The following RANBP17 variants were observed in gnomAD, a reference collection of about 807,000 sequenced individuals.
RANBP17 encodes ran-binding protein 17.
In RANBP17, 158 loss-of-function variants were observed where a neutral mutation model predicts 141.2. The observed-to-expected ratio is 1.12, with a 90% CI of 0.98 to 1.28. The LOEUF (loss-of-function observed/expected upper bound fraction) is 1.28, where lower values mean the gene tolerates loss of function less well. Ranked by LOEUF, RANBP17 falls within the 50% of genes most tolerant of loss-of-function variation. The probability of loss-of-function intolerance (pLI) is 0.00; values close to 1 mark genes in which losing one functional copy is unlikely to be tolerated. For missense variants in RANBP17, 1,438 were observed against 1,290.7 expected, an observed-to-expected ratio of 1.11 and a Z score of -1.75; for synonymous variants, 430 against 450.0, an observed-to-expected ratio of 0.96 and a Z score of 0.56.
intron 22 of RANBP17, among the ~76,000 whole-genome samples, chr5:171,232,236 A>C (rs991538755): frequency 6.6e-6 from 1 of 152,204 alleles, no homozygotes; most frequent in Non-Finnish European, 1.5e-5. Flanking sequence ...TTTTATTCAA[A>C]AAAGGTAGTG....
Position 171,252,969 on chromosome 5 carries a change from C to A in RANBP17, c.2776+10149C>A, listed in dbSNP as rs181657792. 76 of 1,427,842 alleles carry A rather than the reference C, an allele frequency of 5.3e-5. No individual in the cohort carries two copies. In the East Asian group the frequency reaches 1.7e-3, roughly 32 times the overall value. 88.4% of individuals were successfully genotyped at this position (1,427,842 alleles called of 1,614,324 possible). On this transcript the variant is annotated intron_variant, in intron 24 of 27. Coordinates refer to ENST00000523189, the MANE Select transcript of RANBP17 (RefSeq NM_022897.5). ...ACTCTGAGTCTGGTTACATCCTTTT[C>A]TATCAGTCTCGGGATTGAGGGGGAA...
At chr5:171,147,707 C>T (rs1388795203) in intron 14 of RANBP17, among the ~76,000 whole-genome samples, 2 of 152,122 alleles carry the variant, frequency 1.3e-5, no homozygotes, top group African/African-American at 2.4e-5. Context: ...AGCCACCGCA[C>T]CTGGCCATAA....
chr5:171,065,362 A>C (rs887293871), intron 14 of RANBP17, among the ~76,000 whole-genome samples: 1 of 152,150 alleles, frequency 6.6e-6, no homozygotes, highest in Admixed American at 6.5e-5. Context: ...ATCAGGCATC[A>C]CTTAGATTCT....
At chr5:170,938,388 G>C (rs529644903) in intron 12 of RANBP17, among the ~76,000 whole-genome samples, 1 of 152,136 alleles carries the variant, frequency 6.6e-6, no homozygotes, top group Non-Finnish European at 1.5e-5. Context: ...AGTTAAACAA[G>C]TGTTCATAGT....
At chr5:171,289,653 T>A (rs938045835) in intron 25 of RANBP17, among the ~76,000 whole-genome samples, 1 of 152,036 alleles carries the variant, frequency 6.6e-6, no homozygotes, top group African/African-American at 2.4e-5. Flanking sequence ...GTGGAGTTGC[T>A]TGAGACCAGG....
At chr5:171,153,596 AG>A (rs35620098) in intron 14 of RANBP17, among the ~76,000 whole-genome samples, 4 of 152,214 alleles carry the variant, frequency 2.6e-5, no homozygotes, top group Non-Finnish European at 2.9e-5. Flanking sequence ...TGGGGAAGAC[AG>A]GGGAAGACTG....
At chr5:171,210,272 C>T (rs1295020958) in intron 20 of RANBP17, among the ~76,000 whole-genome samples, 1 of 152,144 alleles carries the variant, frequency 6.6e-6, no homozygotes, top group Non-Finnish European at 1.5e-5. Context: ...TCTCACTCTG[C>T]AGCCCTTTTA....
At chr5:170,903,903 A>C in intron 5 of RANBP17, 1 of 522,898 alleles carries the variant, frequency 1.9e-6, no homozygotes, top group Non-Finnish European at 3.8e-6. Context: ...AATCAGCATG[A>C]ATTTAGTTCC....
intron 14 of RANBP17, among the ~76,000 whole-genome samples, chr5:171,108,517 GTCC>G (rs1186657240): frequency 6.6e-6 from 1 of 151,978 alleles, no homozygotes; most frequent in Non-Finnish European, 1.5e-5. Context: ...GGTTCAAGCC[GTCC>G]TCCTACCTTA....
Position 171,006,971 on chromosome 5 carries a change from G to A in RANBP17, c.1710+38594G>A, listed in dbSNP as rs60774314. 7.8e-3 allele frequency among the ~76,000 whole-genome samples: 1,183 copies of A among 152,258 alleles called. 14 individuals are homozygous for A. Among genetic ancestry groups the A allele is most frequent in the African/African-American group, 0.023 (948 of 41,540 alleles). ...TCGCTTAGCTATACCTGGGGAATCTGCCTGATAGTTCCATTGGGGATCTTC... is the reference window on the plus strand; with the variant it reads ...TCGCTTAGCTATACCTGGGGAATCTACCTGATAGTTCCATTGGGGATCTTC... On this transcript the variant is annotated intron_variant, in intron 14 of 27. Coordinates refer to ENST00000523189, the MANE Select transcript of RANBP17 (RefSeq NM_022897.5).
At chr5:170,932,172 G>T (rs1483776660) in intron 12 of RANBP17, among the ~76,000 whole-genome samples, 27 of 152,070 alleles carry the variant, frequency 1.8e-4, no homozygotes, top group Non-Finnish European at 2.8e-4. Flanking sequence ...TGAAGCAATT[G>T]TGAATGAGAA....
intron 6 of RANBP17, 145 bp downstream of exon 6, chr5:170,909,910 G>T: frequency 2.0e-6 from 1 of 509,792 alleles, no homozygotes; most frequent in Non-Finnish European, 3.4e-6. Flanking sequence ...ATTTGCATAA[G>T]TCTGTAAGCA....
chr5:171,277,505 G>T (rs1417841134), intron 25 of RANBP17, among the ~76,000 whole-genome samples: 2 of 150,512 alleles, frequency 1.3e-5, no homozygotes, highest in Non-Finnish European at 3.0e-5. Context: ...GACATAAGAT[G>T]TCGCTATAGA....
At chr5:171,170,358 C>T (rs567473244) in intron 15 of RANBP17, among the ~76,000 whole-genome samples, 155 bp downstream of exon 15, 1 of 152,100 alleles carries the variant, frequency 6.6e-6, no homozygotes, top group Non-Finnish European at 1.5e-5. Flanking sequence ...TTAATTGAAA[C>T]TTAATTTCAC....
At chr5:171,267,348 C>G (rs1488524091) in intron 25 of RANBP17, among the ~76,000 whole-genome samples, 1 of 152,028 alleles carries the variant, frequency 6.6e-6, no homozygotes, top group Non-Finnish European at 1.5e-5. Flanking sequence ...CTAGCCCTAT[C>G]ACTGTGTTTT....
At chr5:171,004,615 T>C (rs1229641113) in intron 14 of RANBP17, among the ~76,000 whole-genome samples, 1 of 152,158 alleles carries the variant, frequency 6.6e-6, no homozygotes, top group Non-Finnish European at 1.5e-5. Context: ...TCCATGATAG[T>C]CCAGGGGGCT....
At chr5:170,957,836 A>G (rs934859624) in intron 13 of RANBP17, among the ~76,000 whole-genome samples, 1 of 152,192 alleles carries the variant, frequency 6.6e-6, no homozygotes, top group African/African-American at 2.4e-5. Flanking sequence ...CAAGTCAACA[A>G]CATATTTGAA....
At position 171,296,904 on chromosome 5, in the gene RANBP17, C is replaced by A. The variant is rs559348898; in HGVS notation, c.3170+890C>A. 3.9e-5 allele frequency among the ~76,000 whole-genome samples: 6 copies of A among 152,256 alleles called. No individual in the cohort carries two copies. In the South Asian group the frequency reaches 1.2e-3, roughly 32 times the overall value. ...CTCCAGCCTGGGCAACAGAGTGAGA[C>A]TCTGTCTCAAAAATAATAAAATTAA... On this transcript the variant is annotated intron_variant, in intron 27 of 27. Transcript: ENST00000523189.
chr5:171,052,743 T>C (rs1783036704), intron 14 of RANBP17, among the ~76,000 whole-genome samples: 1 of 152,212 alleles, frequency 6.6e-6, no homozygotes, highest in South Asian at 2.1e-4. Context: ...AGATTTTCTG[T>C]TTCTACAAAA....
Sources: allele counts gnomAD v4.1 joint callset (sites outside exome capture counted in the v4.1 genomes callset), GRCh38; gene constraint gnomAD v4.1.1; transcripts MANE v1.5; gene names NCBI Gene and HGNC (gene_info 2026-07-23, HGNC 2026-07-21).